The following WSB2 variants were observed in gnomAD, a reference collection of about 807,000 sequenced individuals.
WSB2 encodes the protein WD repeat and SOCS box containing 2.
A neutral mutation model predicts 48.8 loss-of-function variants in WSB2; 12 were observed. The ratio of observed to expected loss-of-function variants is 0.25; its 90% CI spans 0.16 to 0.40. The LOEUF (loss-of-function observed/expected upper bound fraction) is 0.40. WSB2 is among the 10% of genes least tolerant of loss of function. The pLI, the probability that WSB2 is intolerant of heterozygous loss-of-function variation, is 1.00. For synonymous variants in WSB2, 191 were observed against 203.1 expected, an observed-to-expected ratio of 0.94 and a Z score of 0.51; for missense variants, 317 against 506.2, an observed-to-expected ratio of 0.63 and a Z score of 3.59.
intron 1 of WSB2, among the ~76,000 whole-genome samples, chr12:118,059,307 CTTT>C (rs760401465): frequency 1.3e-5 from 2 of 151,930 alleles, no homozygotes; most frequent in African/African-American, 4.8e-5. Flanking sequence ...TCACCTAGTT[CTTT>C]TTTCTTTTTT....
rs774792520 is a variant in WSB2, at chr12:118,043,222, C to T, written c.338G>A (p.Arg113His). 23 of 1,614,190 alleles carry T rather than the reference C, an allele frequency of 1.4e-5. No homozygotes were observed. The highest frequency in any genetic ancestry group is 1.2e-4 in the Admixed American group (7 of 60,028). The change falls in exon 3 of 9, where the codon CGC becomes CAC. Residue 113 changes from arginine to histidine, a missense_variant. Physicochemically the swap from Arg to His is conservative, Grantham distance 29 (BLOSUM62 0). Coordinates refer to ENST00000315436, the MANE Select transcript of WSB2 (RefSeq NM_018639.5). Reference protein sequence around the residue: ...PSPPSRKLWARHHPQVPDVSC... With the variant: ...PSPPSRKLWAHHHPQVPDVSC... ...GACATCGGGCACTTGGGGGTGGTGG[C>T]GTGCCCAGAGCTTCCTGCTGGGTGG...
chr12:118,043,237 C>T lies in WSB2; in HGVS notation c.323G>A (p.Arg108Lys), dbSNP rs1354830542. ...AFSPWPSPPS[R>K]KLWARHHPQV... The stretch of plus-strand genomic sequence containing the variant: ...GGGGTGGTGGCGTGCCCAGAGCTTC[C>T]TGCTGGGTGGGGAAGGCCACGGGCT... Residue 108 changes from arginine to lysine, a missense_variant, in exon 3 of 9, where the codon AGG becomes AAG. Physicochemically the swap from Arg to Lys is conservative, Grantham distance 26. Transcript: ENST00000315436. 2 of 1,614,108 alleles carry T rather than the reference C, an allele frequency of 1.2e-6. No individual in the cohort carries two copies. The highest frequency in any genetic ancestry group is 2.7e-5 in the African/African-American group (2 of 74,940).
intron 1 of WSB2, among the ~76,000 whole-genome samples, chr12:118,054,584 C>T (rs1054518225): frequency 1.3e-5 from 2 of 151,788 alleles, no homozygotes; most frequent in African/African-American, 2.4e-5. Context: ...GCAGGAGAAT[C>T]GCTTGAACCC....
intron 4 of WSB2, among the ~76,000 whole-genome samples, chr12:118,039,947 T>C (rs2031594564): frequency 6.6e-6 from 1 of 152,016 alleles, no homozygotes; most frequent in Non-Finnish European, 1.5e-5. Flanking sequence ...AGTTTCACCA[T>C]GTTGGCTAGG....
rs975210604 is a variant in WSB2, at chr12:118,035,196, G to T, written c.944+18C>A. The T allele has an allele frequency of 6.2e-7, 1 of 1,613,928 alleles. No homozygotes were observed. Among genetic ancestry groups the T allele is most frequent in the Non-Finnish European group, 8.5e-7 (1 of 1,179,788 alleles). Reference sequence around the variant, plus strand: ...AGCACTTGTTCTGAGGCCATGTAAAGAGAGTTCTCTTCGTTACCTGTCATC... The same window carrying T: ...AGCACTTGTTCTGAGGCCATGTAAATAGAGTTCTCTTCGTTACCTGTCATC... On this transcript the variant is annotated intron_variant, in intron 7 of 8. Coordinates refer to ENST00000315436, the MANE Select transcript of WSB2 (RefSeq NM_018639.5).
At chr12:118,050,763 G>A (rs2031835387) in intron 2 of WSB2, among the ~76,000 whole-genome samples, 2 of 152,084 alleles carry the variant, frequency 1.3e-5, no homozygotes, top group Non-Finnish European at 1.5e-5. Context: ...CACCTGAAAA[G>A]ATGCTCGGCC....
intron 2 of WSB2, among the ~76,000 whole-genome samples, chr12:118,044,397 T>C (rs559992806): frequency 6.6e-6 from 1 of 152,290 alleles, no homozygotes; most frequent in African/African-American, 2.4e-5. Flanking sequence ...TGAGTTCCCT[T>C]ATCACTAGCT....
In WSB2 at chr12:118,037,601, G is replaced by C. The variant is rs531250386; in HGVS notation, c.660+687C>G. On this transcript the variant is annotated intron_variant, in intron 5 of 8. Coordinates refer to ENST00000315436, the MANE Select transcript of WSB2 (RefSeq NM_018639.5). Reference sequence around the variant, plus strand: ...GAGAATCGCTTGAACCCGGGAAGCGGAGGTTGCAGTAAGCCGAGATTGCGT... The same window carrying C: ...GAGAATCGCTTGAACCCGGGAAGCGCAGGTTGCAGTAAGCCGAGATTGCGT... Among the ~76,000 whole-genome samples the C allele has an allele frequency of 2.8e-4, 43 of 151,590 alleles. No homozygotes were observed. In the South Asian group the frequency reaches 8.7e-3, roughly 31 times the overall value.
intron 1 of WSB2, among the ~76,000 whole-genome samples, chr12:118,057,301 G>A (rs1479807009): frequency 1.2e-4 from 18 of 152,054 alleles, no homozygotes. Flanking sequence ...TTGAGACAGA[G>A]TCTCACTCTG....
At position 118,058,700 on chromosome 12, in the gene WSB2, C is replaced by CTT. The variant is rs112415267; in HGVS notation, c.13+2334_13+2335dup. ...ACCATCACTTAGATATTTTCTTCTT[C>CTT]TTTTTTTTTTTTTGAGATGGAGTTT... is the stretch of plus-strand genomic sequence containing the variant. On this transcript the variant is annotated intron_variant, in intron 1 of 8. Coordinates refer to ENST00000315436, the MANE Select transcript of WSB2 (RefSeq NM_018639.5). Among the ~76,000 whole-genome samples, 1,110 of 140,196 alleles carry CTT rather than the reference C, an allele frequency of 7.9e-3. 6 individuals carry two copies. The highest frequency in any genetic ancestry group is 0.013 in the Non-Finnish European group (850 of 64,242). 92.0% of individuals were successfully genotyped at this position (140,196 alleles called of 152,430 possible). A position where few individuals can be genotyped will look rare whatever the true frequency, so the allele number is the denominator to read the frequency against.
At chr12:118,037,213 C>T (rs377707762) in intron 5 of WSB2, among the ~76,000 whole-genome samples, 12 of 151,802 alleles carry the variant, frequency 7.9e-5, no homozygotes, top group South Asian at 2.1e-4. Flanking sequence ...GTGAAATCTG[C>T]GGCCACCCCA....
intron 4 of WSB2, among the ~76,000 whole-genome samples, 176 bp from the exon 5 acceptor site, chr12:118,038,564 T>A (rs766221757): frequency 6.6e-6 from 1 of 152,208 alleles, no homozygotes; most frequent in Non-Finnish European, 1.5e-5. Context: ...ATTTGTCATT[T>A]AAACACCTGT....
chr12:118,053,397 T>C (rs543094843), intron 1 of WSB2, among the ~76,000 whole-genome samples: 1 of 152,212 alleles, frequency 6.6e-6, no homozygotes, highest in Admixed American at 6.6e-5. Flanking sequence ...AAAGTAATAA[T>C]CCCACCTAGA....
At chr12:118,041,258 G>A (rs2031630602) in intron 4 of WSB2, among the ~76,000 whole-genome samples, 1 of 152,142 alleles carries the variant, frequency 6.6e-6, no homozygotes, top group African/African-American at 2.4e-5. Context: ...TGAAGCCTCA[G>A]GAATGGGATT....
At chr12:118,034,696 C>T (rs1329126529) in intron 8 of WSB2, 1 of 500,412 alleles carries the variant, frequency 2.0e-6, no homozygotes. Flanking sequence ...GGTCTTTTAG[C>T]CCTAAATGGT....
chr12:118,041,635 C>G (rs145994764), intron 4 of WSB2, among the ~76,000 whole-genome samples: 2 of 152,130 alleles, frequency 1.3e-5, no homozygotes, highest in East Asian at 3.9e-4. Context: ...GCCCCTGATC[C>G]TCTTCATGAC....
chr12:118,033,188 T>C lies in WSB2; in HGVS notation c.*1008A>G, dbSNP rs949857963. ...ACTACATGCCACTGAAGGAGAACAGTACTTTTAAGGAGCTATTTTTGTTTC... is the reference window on the plus strand; with the variant it reads ...ACTACATGCCACTGAAGGAGAACAGCACTTTTAAGGAGCTATTTTTGTTTC... On this transcript the variant is annotated 3_prime_UTR_variant, in exon 9 of 9. Transcript: ENST00000315436. The C allele has an allele frequency of 6.6e-6, 1 of 152,240 alleles. No homozygotes were observed. Among genetic ancestry groups the C allele is most frequent in the African/African-American group, 2.4e-5 (1 of 41,460 alleles). The allele number at this position is 152,240 out of a possible 1,614,324, so 9.4% of individuals were successfully genotyped here. A position where few individuals can be genotyped will look rare whatever the true frequency, so the allele number is the denominator to read the frequency against.
intron 5 of WSB2, 72 bp from the exon 6 acceptor site, chr12:118,036,582 G>T: frequency 2.0e-6 from 3 of 1,476,298 alleles, no homozygotes; most frequent in Non-Finnish European, 2.7e-6. Context: ...GGAGGGAAAG[G>T]TACCACCACC....
At chr12:118,051,668 T>C (rs1035079328) in intron 2 of WSB2, among the ~76,000 whole-genome samples, 1 of 152,176 alleles carries the variant, frequency 6.6e-6, no homozygotes, top group Admixed American at 6.5e-5. Context: ...AATAAAGATA[T>C]TCTAAAATTG....
Sources: allele counts gnomAD v4.1 joint callset (sites outside exome capture counted in the v4.1 genomes callset), GRCh38; gene constraint gnomAD v4.1.1; transcripts MANE v1.5; gene names NCBI Gene and HGNC (gene_info 2026-07-23, HGNC 2026-07-21).